OTOA: variants seen among roughly 807,000 people sequenced by gnomAD.
OTOA encodes otoancorin, also known as cancer/testis antigen 108.
A neutral mutation model predicts 110.8 loss-of-function variants in OTOA; 70 were observed. That is an observed-to-expected ratio of 0.63 (90% CI 0.52 to 0.77). The LOEUF (loss-of-function observed/expected upper bound fraction) is 0.77, where lower values mean the gene tolerates loss of function less well. Among genes scored for constraint, OTOA ranks in the 30% least tolerant of loss-of-function variants. The pLI is 0.00. For missense variants in OTOA, 917 were observed against 1,075.8 expected, an observed-to-expected ratio of 0.85 and a Z score of 2.06; for synonymous variants, 373 against 431.5, an observed-to-expected ratio of 0.86 and a Z score of 1.68.
chr16:21,669,358 C>T (rs1013170224), intron 1 of OTOA, among the ~76,000 whole-genome samples: 2 of 151,858 alleles, frequency 1.3e-5, no homozygotes, highest in Admixed American at 6.6e-5. Flanking sequence ...CCAAAAAAAC[C>T]CCCAAAACAG....
intron 1 of OTOA, among the ~76,000 whole-genome samples, chr16:21,664,529 G>A (rs1282895868): frequency 6.6e-6 from 1 of 152,096 alleles, no homozygotes; most frequent in Admixed American, 6.6e-5. Context: ...ATGATTATTT[G>A]TTATAATAAT....
intron 18 of OTOA, among the ~76,000 whole-genome samples, chr16:21,725,646 A>C (rs1323827866): frequency 6.6e-6 from 1 of 152,152 alleles, no homozygotes; most frequent in African/African-American, 2.4e-5. Flanking sequence ...GGATAAAGAA[A>C]AAAAGGAGTG....
intron 17 of OTOA, 94 bp from the exon 18 acceptor site, chr16:21,722,811 A>G: frequency 1.8e-6 from 2 of 1,123,558 alleles, no homozygotes; most frequent in Admixed American, 3.4e-5. Context: ...ATGAACACGT[A>G]TGAAGCACTT....
intron 1 of OTOA, among the ~76,000 whole-genome samples, chr16:21,672,695 A>C (rs181014263): frequency 6.6e-6 from 1 of 152,000 alleles, no homozygotes; most frequent in Non-Finnish European, 1.5e-5. Context: ...TTTGATGTGT[A>C]TAATGTATGG....
At chr16:21,688,095 A>G (rs1216862735) in intron 8 of OTOA, among the ~76,000 whole-genome samples, 3 of 152,066 alleles carry the variant, frequency 2.0e-5, no homozygotes, top group Non-Finnish European at 2.9e-5. Context: ...AAAGCTTAAC[A>G]TCTGTAGAGT....
At chr16:21,728,515 C>T in intron 20 of OTOA, 84 bp downstream of exon 20, 1 of 1,471,358 alleles carries the variant, frequency 6.8e-7, no homozygotes, top group South Asian at 1.2e-5. Flanking sequence ...GCCCTGCAAA[C>T]AGAGTCTCTG....
intron 11 of OTOA, among the ~76,000 whole-genome samples, chr16:21,702,987 T>A (rs534966974): frequency 6.6e-6 from 1 of 152,298 alleles, no homozygotes; most frequent in Non-Finnish European, 1.5e-5. Context: ...TTTTCTTTTA[T>A]AATTTATTTT....
chr16:21,675,431 C>T (rs1057502455), intron 1 of OTOA, among the ~76,000 whole-genome samples: 20 of 144,538 alleles, frequency 1.4e-4, no homozygotes, highest in African/African-American at 4.9e-4. Flanking sequence ...TGTGGGATTA[C>T]AGGCGTGAGC....
At chr16:21,705,546 A>G in intron 12 of OTOA, 1 of 516,374 alleles carries the variant, frequency 1.9e-6, no homozygotes. Flanking sequence ...GCGGTGGCTC[A>G]TGCCTGTAAT....
intron 17 of OTOA, among the ~76,000 whole-genome samples, chr16:21,720,588 A>C (rs1228653182): frequency 1.3e-5 from 2 of 152,184 alleles, no homozygotes; most frequent in Non-Finnish European, 2.9e-5. Context: ...AAGGCTGTAA[A>C]AACACAAATT....
rs1898802304 is a variant in OTOA, at chr16:21,722,917, G to A, written c.1819G>A (p.Ala607Thr). Residue 607 changes from alanine to threonine, a missense_variant, in exon 18 of 29, where the codon GCG (alanine) becomes ACG (threonine). Physicochemically the swap from Ala to Thr is moderately conservative, Grantham distance 58. Around this residue, in one of 6 missense-constraint regions of OTOA, gnomAD observed 840 missense variants for 910.2 expected, o/e 0.92. Transcript: ENST00000646100. ...LLSPYQVNCLAWKYWEVSRLS... is the reference protein window; with the variant it reads ...LLSPYQVNCLTWKYWEVSRLS... ...CTTAATCTTTCAGGTTAATTGTTTG[G>A]CGTGGAAATACTGGGAAGTTTCCAG... 2 of 1,614,086 alleles carry A rather than the reference G, an allele frequency of 1.2e-6. No homozygotes were observed. Among genetic ancestry groups the A allele is most frequent in the Non-Finnish European group, 1.7e-6 (2 of 1,179,986 alleles).
At chr16:21,670,050 G>A (rs1007264811) in intron 1 of OTOA, among the ~76,000 whole-genome samples, 6 of 151,916 alleles carry the variant, frequency 3.9e-5, no homozygotes, top group East Asian at 1.9e-4. Context: ...CACTTGAGCC[G>A]GGGAGGCAGA....
chr16:21,674,704 A>G (rs1238100674), intron 1 of OTOA, among the ~76,000 whole-genome samples: 2 of 150,218 alleles, frequency 1.3e-5, no homozygotes, highest in Non-Finnish European at 3.0e-5. Context: ...TTCAGTGGTC[A>G]TTTTCCTAAT....
At chr16:21,722,027 C>T (rs1898758836) in intron 17 of OTOA, among the ~76,000 whole-genome samples, 1 of 149,366 alleles carries the variant, frequency 6.7e-6, no homozygotes, top group South Asian at 2.1e-4. Flanking sequence ...AGTTCGAAAC[C>T]AGCCTGGCCA....
intron 16 of OTOA, 78 bp downstream of exon 16, chr16:21,719,269 G>A: frequency 2.5e-6 from 4 of 1,579,456 alleles, no homozygotes; most frequent in Non-Finnish European, 3.5e-6. Context: ...TTTTCCAGGT[G>A]GGAGAGTTAG....
At chr16:21,723,783 A>G (rs1898834528) in intron 18 of OTOA, among the ~76,000 whole-genome samples, 1 of 152,308 alleles carries the variant, frequency 6.6e-6, no homozygotes, top group East Asian at 1.9e-4. Flanking sequence ...CTATCAGGCA[A>G]GTTGTTCCTC....
chr16:21,715,181 A>G (rs1314124161), intron 14 of OTOA, 29 bp downstream of exon 14: 1 of 1,613,934 alleles, frequency 6.2e-7, no homozygotes, highest in Non-Finnish European at 8.5e-7. Context: ...GTGCTCAGCC[A>G]CATGTCACAG....
chr16:21,722,965 T>C lies in OTOA; in HGVS notation c.1867T>C (p.Leu623=). 6.2e-7 allele frequency: 1 copy of C among 1,614,126 alleles called. No individual in the cohort carries two copies. Among genetic ancestry groups the C allele is most frequent in the Non-Finnish European group, 8.5e-7 (1 of 1,179,992 alleles). The change falls in exon 18 of 29, where the codon TTG becomes CTG. Residue 623 remains leucine, a synonymous_variant. Coordinates refer to ENST00000646100, the MANE Select transcript of OTOA (RefSeq NM_144672.4). ...VSRLSMPPFL[L]AALPARYLAS... ...CAGATTGTCTATGCCACCTTTCCTC[T>C]TGGCTGCACTCCCGTAAGTGAACAT...
Position 21,684,450 on chromosome 16 carries a change from C to T in OTOA, c.268-780C>T, listed in dbSNP as rs1236833818. 2.5e-5 allele frequency: 38 copies of T among 1,543,014 alleles called. No individual in the cohort carries two copies. The Admixed American group carries it at 7.3e-4, about 30-fold the overall frequency. On this transcript the variant is annotated intron_variant, in intron 6 of 28. Transcript: ENST00000646100. ...TCATTTCGCCTGTATTTTGCTCCTG[C>T]GCTGGTAGCTTGGGTTTGGGCACAG... is the stretch of plus-strand genomic sequence containing the variant.
Sources: allele counts gnomAD v4.1 joint callset (sites outside exome capture counted in the v4.1 genomes callset), GRCh38; gene constraint gnomAD v4.1.1; regional missense constraint gnomAD v4.1.1; transcripts MANE v1.5; gene names NCBI Gene and HGNC (gene_info 2026-07-23, HGNC 2026-07-21).